The following KCTD1 variants were observed in gnomAD, a reference collection of about 807,000 sequenced individuals.
The protein encoded by KCTD1 is potassium channel tetramerization domain containing 1, also known as BTB/POZ domain-containing protein KCTD1.
KCTD1 carries 24 observed loss-of-function variants against 66.0 expected under a neutral mutation model. That is an observed-to-expected ratio of 0.36 (90% CI 0.26 to 0.51). The LOEUF (loss-of-function observed/expected upper bound fraction) is 0.51, where lower values mean the gene tolerates loss of function less well. Among genes scored for constraint, KCTD1 ranks in the 20% least tolerant of loss-of-function variants. The pLI is 0.95. For missense variants in KCTD1, 943 were observed against 1,205.2 expected (o/e 0.78, Z 3.22); for synonymous variants, 511 against 517.2 (o/e 0.99, Z 0.16).
rs1023977609 is a variant in KCTD1 at position 26,547,921 on chromosome 18, G to C, written c.616C>G (p.Arg206Gly). ...TCGGCATAGAAGGAGCGCAGCACGCGGCACAGCGCCCCCTTGTCCATGGTC... is the reference window on the plus strand; with the variant it reads ...TCGGCATAGAAGGAGCGCAGCACGCCGCACAGCGCCCCCTTGTCCATGGTC... ...FETMDKGALC[R>G]VLRSFYAEAR... Residue 206 changes from arginine to glycine, a missense_variant, in exon 1 of 5, where the codon CGC becomes GGC. Coordinates refer to ENST00000580059, the MANE Select transcript of KCTD1 (RefSeq NM_001142730.3). 1.9e-6 allele frequency: 3 copies of C among 1,543,776 alleles called. No homozygotes were observed. Among genetic ancestry groups the C allele is most frequent in the Middle Eastern group, 3.3e-4 (2 of 5,992 alleles).
upstream of KCTD1, among the ~76,000 whole-genome samples, chr18:26,629,837 C>G (rs1987580029): frequency 6.6e-6 from 1 of 151,912 alleles, no homozygotes; most frequent in South Asian, 2.1e-4. Flanking sequence ...CCCACCTCAG[C>G]CTCCTGAGTA....
intron 1 of KCTD1, among the ~76,000 whole-genome samples, chr18:26,656,226 C>A (rs542451873): frequency 6.6e-6 from 1 of 152,258 alleles, no homozygotes; most frequent in South Asian, 2.1e-4. Context: ...GGGCTCCTGA[C>A]TTGGCGCTGA....
intron 2 of KCTD1, among the ~76,000 whole-genome samples, chr18:26,477,896 A>G (rs1981431946): frequency 6.6e-6 from 1 of 152,184 alleles, no homozygotes; most frequent in South Asian, 2.1e-4. Flanking sequence ...TTCAATAAAT[A>G]TTTTTGAGCT....
At chr18:26,643,582 T>C (rs1274592765), upstream of KCTD1, among the ~76,000 whole-genome samples, 1 of 152,002 alleles carries the variant, frequency 6.6e-6, no homozygotes, top group Middle Eastern at 3.4e-3. Flanking sequence ...TGGGAATGAG[T>C]TTGGAATTTG....
At chr18:26,599,140 G>A (rs1443824985) in intron 1 of KCTD1, among the ~76,000 whole-genome samples, 1 of 152,092 alleles carries the variant, frequency 6.6e-6, no homozygotes, top group Non-Finnish European at 1.5e-5. Flanking sequence ...CTTAGAATTA[G>A]TTATGATCTT....
At chr18:26,551,698 G>C (rs1985573656), upstream of KCTD1, among the ~76,000 whole-genome samples, 1 of 152,118 alleles carries the variant, frequency 6.6e-6, no homozygotes, top group Non-Finnish European at 1.5e-5. Context: ...CAAAATTACA[G>C]TGGAGTTCAT....
intron 1 of KCTD1, among the ~76,000 whole-genome samples, chr18:26,598,944 G>T (rs1986829691): frequency 6.6e-6 from 1 of 152,076 alleles, no homozygotes; most frequent in Non-Finnish European, 1.5e-5. Flanking sequence ...TCTGTGGGTT[G>T]TCTTTTGGAC....
intron 2 of KCTD1, among the ~76,000 whole-genome samples, chr18:26,493,918 T>A (rs1982336518): frequency 6.6e-6 from 1 of 152,208 alleles, no homozygotes; most frequent in African/African-American, 2.4e-5. Context: ...TAAATATTTT[T>A]CTTAATATCA....
intron 2 of KCTD1, among the ~76,000 whole-genome samples, chr18:26,488,575 T>A (rs896552468): frequency 1.3e-5 from 2 of 152,164 alleles, no homozygotes; most frequent in African/African-American, 4.8e-5. Flanking sequence ...TCAGCTCCGA[T>A]CACAGAAACA....
At chr18:26,513,083 A>G (rs1033283849) in intron 1 of KCTD1, among the ~76,000 whole-genome samples, 1 of 147,782 alleles carries the variant, frequency 6.8e-6, no homozygotes, top group Non-Finnish European at 1.5e-5. Flanking sequence ...TTATAAATCC[A>G]GGGTGTATTT....
Position 26,546,777 on chromosome 18 carries a change from C to T in KCTD1, c.1760G>A (p.Ser587Asn). The change falls in exon 1 of 5, where the codon AGC (serine) becomes AAC (asparagine). Residue 587 changes from serine (S) to asparagine (N), a missense_variant. Physicochemically the swap from Ser to Asn is conservative, Grantham distance 46. This residue lies in a region of KCTD1 where 197 missense variants were observed against 182.7 expected (regional missense o/e 1.08). Transcript: ENST00000580059. ...TGAAACTATTGTGGGAGAATTGGTG[C>T]TTCTGTGCCCATTGGCTTCTGGAAG... ...PLLPEANGHRSTNSPTIVSPA... is the reference protein window; with the variant it reads ...PLLPEANGHRNTNSPTIVSPA... 6.5e-7 allele frequency: 1 copy of T among 1,550,000 alleles called. No individual in the cohort carries two copies. Among genetic ancestry groups the T allele is most frequent in the Non-Finnish European group, 8.7e-7 (1 of 1,146,410 alleles).
Position 26,476,492 on chromosome 18 carries a change from G to A in KCTD1, c.2133+23C>T. On this transcript the variant is annotated intron_variant, in intron 3 of 4. Coordinates refer to ENST00000580059, the MANE Select transcript of KCTD1 (RefSeq NM_001142730.3). The surrounding 1 kb of genome is among the most constrained non-coding windows in gnomAD (Gnocchi z 4.9). ...AAAAAATCACATATTTATGCTATTG[G>A]TGATTTAACATGGATCCCTCACCTT... 1.9e-6 allele frequency: 3 copies of A among 1,591,554 alleles called. No homozygotes were observed. The highest frequency in any genetic ancestry group is 2.6e-6 in the Non-Finnish European group (3 of 1,173,096).
chr18:26,604,550 T>C (rs556523979), intron 1 of KCTD1, among the ~76,000 whole-genome samples: 1 of 152,246 alleles, frequency 6.6e-6, no homozygotes, highest in Non-Finnish European at 1.5e-5. Context: ...CACCATGGAA[T>C]ACTATGCAGC....
intron 1 of KCTD1, among the ~76,000 whole-genome samples, chr18:26,559,143 A>T (rs1286866475): frequency 6.6e-6 from 1 of 152,036 alleles, no homozygotes; most frequent in Non-Finnish European, 1.5e-5. Flanking sequence ...GAGGATTAAT[A>T]GGTACAAAAA....
chr18:26,545,938 G>A (rs1219695779), intron 1 of KCTD1: 2 of 152,118 alleles, frequency 1.3e-5, no homozygotes, highest in African/African-American at 4.8e-5. Flanking sequence ...TGCTGACTCA[G>A]CTGCTGGGAT....
intron 1 of KCTD1, among the ~76,000 whole-genome samples, chr18:26,639,647 G>A (rs1042031220): frequency 2.6e-5 from 4 of 152,192 alleles, no homozygotes; most frequent in South Asian, 2.1e-4. Flanking sequence ...CCATCCCATC[G>A]TAGTTATTGT....
chr18:26,624,947 G>T (rs11659249), intron 1 of KCTD1, among the ~76,000 whole-genome samples: 53,879 of 152,136 alleles, frequency 0.35, 10,098 homozygotes, highest in Middle Eastern at 0.44. Flanking sequence ...GCATGACCTG[G>T]ATATGAGACA....
At chr18:26,515,049 G>A (rs1983581410) in intron 1 of KCTD1, among the ~76,000 whole-genome samples, 1 of 152,158 alleles carries the variant, frequency 6.6e-6, no homozygotes, top group African/African-American at 2.4e-5. Flanking sequence ...CACTGTAAAG[G>A]AGACATCTGT....
At chr18:26,592,594 G>A (rs1417109767) in intron 1 of KCTD1, among the ~76,000 whole-genome samples, 1 of 152,164 alleles carries the variant, frequency 6.6e-6, no homozygotes, top group African/African-American at 2.4e-5. Context: ...TCCAACATGA[G>A]CCCTATATGT....
Sources: allele counts gnomAD v4.1 joint callset (sites outside exome capture counted in the v4.1 genomes callset), GRCh38; gene constraint gnomAD v4.1.1; regional missense constraint gnomAD v4.1.1; non-coding constraint Gnocchi (gnomAD v3.1); transcripts MANE v1.5; gene names NCBI Gene and HGNC (gene_info 2026-07-23, HGNC 2026-07-21).